The following TBX3 variants were observed in gnomAD, a reference collection of about 807,000 sequenced individuals.
TBX3 encodes the protein T-box transcription factor TBX3.
In TBX3, 11 loss-of-function variants were observed where a neutral mutation model predicts 47.8. That is an observed-to-expected ratio of 0.23 (90% CI 0.14 to 0.38). TBX3 has a LOEUF of 0.38. Among genes scored for constraint, TBX3 ranks in the 10% least tolerant of loss-of-function variants. The probability of loss-of-function intolerance (pLI) is 1.00; values close to 1 mark genes in which losing one functional copy is unlikely to be tolerated. For missense variants in TBX3, 927 were observed against 1,022.8 expected (o/e 0.91, Z 1.28); for synonymous variants, 500 against 449.3 (o/e 1.11, Z -1.43).
Position 114,674,723 on chromosome 12 carries a change from G to A in TBX3, c.1152C>T (p.Cys384=), listed in dbSNP as rs1268848840. 6.2e-7 allele frequency: 1 copy of A among 1,600,634 alleles called. No individual in the cohort carries two copies. Among genetic ancestry groups the A allele is most frequent in the Non-Finnish European group, 8.5e-7 (1 of 1,177,142 alleles). Residue 384 remains cysteine (C), a synonymous_variant, in exon 6 of 7, where the codon TGC becomes TGT. Transcript: ENST00000349155. ...TGACCGCGGGGCTGCCCTTGTCACG[G>A]CAGGGCTCCTCCGACGTGGTGGTGG... is the stretch of plus-strand genomic sequence containing the variant. ...KISTTTSEEP[C]RDKGSPAVKA...
At chr12:114,682,193 T>A (rs922527257) in intron 1 of TBX3, among the ~76,000 whole-genome samples, 1 of 152,188 alleles carries the variant, frequency 6.6e-6, no homozygotes, top group African/African-American at 2.4e-5. Flanking sequence ...TCCTTAAGTC[T>A]GCAAACATAA....
At chr12:114,682,750 A>G (rs1448157151) in intron 1 of TBX3, 62 bp downstream of exon 1, 1 of 1,612,604 alleles carries the variant, frequency 6.2e-7, no homozygotes, top group East Asian at 2.2e-5. Context: ...TTCTGGGAGC[A>G]GAGAAATAAA....
Position 114,682,851 on chromosome 12 carries a change from T to C in TBX3, c.350A>G (p.His117Arg). 1 of 1,614,202 alleles carries C rather than the reference T, an allele frequency of 6.2e-7. No individual in the cohort carries two copies. The highest frequency in any genetic ancestry group is 8.5e-7 in the Non-Finnish European group (1 of 1,180,034). The change falls in exon 1 of 7, where the codon CAC becomes CGC. Residue 117 changes from histidine (H) to arginine (R), a missense_variant. Physicochemically the swap from His to Arg is conservative, Grantham distance 29. Transcript: ENST00000349155. ...LEAKELWDQF[H>R]KRGTEMVITK... ...AATGACCATCTCGGTGCCCCGCTTG[T>C]GAAACTGATCCCAAAGTTCTTTAGC...
At chr12:114,673,930 A>G (rs573202750) in intron 6 of TBX3, among the ~76,000 whole-genome samples, 1 of 152,214 alleles carries the variant, frequency 6.6e-6, no homozygotes, top group Non-Finnish European at 1.5e-5. Flanking sequence ...GTTACTACCT[A>G]TCTACTCTGC....
chr12:114,682,917 G>T lies in TBX3; in HGVS notation c.284C>A (p.Pro95His), dbSNP rs2121158772. ...GGGGTCGTCCTCCACCTCTTCTTCG[G>T]GCTCCATGGTCTTCAAAGGCCTCAG... Reference protein sequence around the residue: ...AHLRPLKTMEPEEEVEDDPKV... With the variant: ...AHLRPLKTMEHEEEVEDDPKV... The change falls in exon 1 of 7, where the codon CCC becomes CAC. Residue 95 changes from proline (P) to histidine (H), a missense_variant. Physicochemically the swap from Pro to His is moderately conservative, Grantham distance 77. Transcript: ENST00000349155. 1.9e-6 allele frequency: 3 copies of T among 1,614,146 alleles called. No individual in the cohort carries two copies. The highest frequency in any genetic ancestry group is 2.5e-6 in the Non-Finnish European group (3 of 1,180,028).
intron 1 of TBX3, among the ~76,000 whole-genome samples, chr12:114,681,513 A>C (rs1458732425): frequency 6.6e-6 from 1 of 152,144 alleles, no homozygotes; most frequent in Non-Finnish European, 1.5e-5. Flanking sequence ...ATCTAGATCT[A>C]AACAGGTTGG....
At chr12:114,675,613 A>C (rs1868671792) in intron 5 of TBX3, among the ~76,000 whole-genome samples, 1 of 151,764 alleles carries the variant, frequency 6.6e-6, no homozygotes, top group Non-Finnish European at 1.5e-5. Flanking sequence ...TCACTAAAAA[A>C]CAGGTTTCTT....
chr12:114,674,337 C>G lies in TBX3; in HGVS notation c.1538G>C (p.Ser513Thr). ...SQFAMGGAFS[S>T]MAAAGMGPLL... ...GGGACCCATGCCAGCGGCCGCCATG[C>G]TGGAGAAGGCGCCCCCCATGGCAAA... Residue 513 changes from serine to threonine, a missense_variant, in exon 6 of 7, where the codon AGC becomes ACC. Ser to Thr is a moderately conservative substitution (Grantham distance 58). This residue lies in a region of TBX3 where 623 missense variants were observed against 569.0 expected (regional missense o/e 1.09). Transcript: ENST00000349155. 6.4e-7 allele frequency: 1 copy of G among 1,562,338 alleles called. No homozygotes were observed. Among genetic ancestry groups the G allele is most frequent in the South Asian group, 1.2e-5 (1 of 84,776 alleles).
In TBX3 at chr12:114,682,877, C is replaced by T. The variant is rs367579046; in HGVS notation, c.324G>A (p.Glu108=). Residue 108 remains glutamate (E), a synonymous_variant, in exon 1 of 7, where the codon GAG becomes GAA. Transcript: ENST00000349155. The stretch of plus-strand genomic sequence containing the variant: ...GAAACTGATCCCAAAGTTCTTTAGC[C>T]TCCAGGTGCACCTTGGGGTCGTCCT... The part of the protein sequence containing the change: ...EVEDDPKVHL[E]AKELWDQFHK... 1.7e-5 allele frequency: 28 copies of T among 1,614,096 alleles called. No individual in the cohort carries two copies. The highest frequency in any genetic ancestry group is 2.4e-5 in the Non-Finnish European group (28 of 1,180,038).
chr12:114,682,004 A>G (rs891583772), intron 1 of TBX3, among the ~76,000 whole-genome samples: 2 of 152,218 alleles, frequency 1.3e-5, no homozygotes, highest in Non-Finnish European at 2.9e-5. Context: ...TTTTGTATCA[A>G]CTTTATGCCT....
Position 114,672,052 on chromosome 12 carries a change from A to T in TBX3, c.1961T>A (p.Val654Asp), listed in dbSNP as rs2121376029. 1 of 1,576,348 alleles carries T rather than the reference A, an allele frequency of 6.3e-7. No homozygotes were observed. The highest frequency in any genetic ancestry group is 8.6e-7 in the Non-Finnish European group (1 of 1,161,812). ...GGCCGGGCTGGCGGCCAGGGCGGCG[A>T]CTTTGCCGTCCAGGGGCCCCGCGGC... ...AAAAGPLDGK[V>D]AALAASPASV... Residue 654 changes from valine to aspartate, a missense_variant, in exon 7 of 7, where the codon GTC (valine) becomes GAC (aspartate). By Grantham distance (152) the Val-to-Asp change is radical (BLOSUM62 -3). Coordinates refer to ENST00000349155, the MANE Select transcript of TBX3 (RefSeq NM_005996.4).
chr12:114,672,996 G>A (rs918591570), intron 6 of TBX3, among the ~76,000 whole-genome samples: 4 of 152,224 alleles, frequency 2.6e-5, no homozygotes, highest in South Asian at 2.1e-4. Flanking sequence ...GAGGTAGGCC[G>A]CAGGAGTTCA....
intron 5 of TBX3, among the ~76,000 whole-genome samples, chr12:114,676,101 G>A (rs1049597258): frequency 2.0e-5 from 3 of 152,210 alleles, no homozygotes; most frequent in African/African-American, 7.2e-5. Context: ...AAGGATCTGG[G>A]AGAAAGGCCT....
At chr12:114,676,228 G>T (rs1565860227) in intron 5 of TBX3, 85 bp downstream of exon 5, 7 of 1,567,744 alleles carry the variant, frequency 4.5e-6, no homozygotes, top group Non-Finnish European at 6.1e-6. Flanking sequence ...AAGGGCAAGT[G>T]CCCTGGTTGG....
rs1479299018 is a variant in TBX3 at position 114,674,681 on chromosome 12, A to G, written c.1194T>C (p.Ala398=). 1.2e-6 allele frequency: 2 copies of G among 1,607,686 alleles called. No homozygotes were observed. The highest frequency in any genetic ancestry group is 1.7e-6 in the Non-Finnish European group (2 of 1,179,212). The stretch of plus-strand genomic sequence containing the variant: ...GCCCGCTGTCCCGGGGCCGCTCAGC[A>G]GCGAAAAGGTGAGCCTTGACCGCGG... ...GSPAVKAHLF[A]AERPRDSGRL... Residue 398 remains alanine, a synonymous_variant, in exon 6 of 7, where the codon GCT becomes GCC. Transcript: ENST00000349155.
In TBX3 at chr12:114,671,744, G is replaced by A. The variant is rs548905868; in HGVS notation, c.*97C>T. ...TCCCAGACGCAACTGCAAAAGGAAG[G>A]GCTAACGCCATGGCGGGCCCGTGGT... is the stretch of plus-strand genomic sequence containing the variant. On this transcript the variant is annotated 3_prime_UTR_variant, in exon 7 of 7. Coordinates refer to ENST00000349155, the MANE Select transcript of TBX3 (RefSeq NM_005996.4). The A allele has an allele frequency of 2.0e-6, 3 of 1,483,266 alleles. No homozygotes were observed. Among genetic ancestry groups the A allele is most frequent in the South Asian group, 2.4e-5 (2 of 81,938 alleles). The allele number at this position is 1,483,266 out of a possible 1,614,324, so 91.9% of individuals were successfully genotyped here.
Position 114,676,301 on chromosome 12 carries a change from G to C in TBX3, c.1039+12C>G, listed in dbSNP as rs780975260. 5.0e-6 allele frequency: 8 copies of C among 1,613,186 alleles called. No individual in the cohort carries two copies. Among genetic ancestry groups the C allele is most frequent in the Non-Finnish European group, 6.8e-6 (8 of 1,179,998 alleles). On this transcript the variant is annotated intron_variant, in intron 5 of 6. Coordinates refer to ENST00000349155, the MANE Select transcript of TBX3 (RefSeq NM_005996.4). ...ACTGGAGTCCAGTGATCACAAAGGTGACATGGTTTACCTTTGAGGTTCGAT... is the reference window on the plus strand; with the variant it reads ...ACTGGAGTCCAGTGATCACAAAGGTCACATGGTTTACCTTTGAGGTTCGAT...
chr12:114,672,072 C>T lies in TBX3; in HGVS notation c.1941G>A (p.Ala647=), dbSNP rs776525218. The T allele has an allele frequency of 1.9e-6, 3 of 1,566,498 alleles. No individual in the cohort carries two copies. Among genetic ancestry groups the T allele is most frequent in the Non-Finnish European group, 2.6e-6 (3 of 1,156,374 alleles). ...TTALPSMAAA[A]GPLDGKVAAL... Reference sequence around the variant, plus strand: ...CGGCGACTTTGCCGTCCAGGGGCCCCGCGGCCGCCGCCATGGAGGGCAGGG... The same window carrying T: ...CGGCGACTTTGCCGTCCAGGGGCCCTGCGGCCGCCGCCATGGAGGGCAGGG... The change falls in exon 7 of 7, where the codon GCG becomes GCA. Residue 647 remains alanine (A), a synonymous_variant. Coordinates refer to ENST00000349155, the MANE Select transcript of TBX3 (RefSeq NM_005996.4).
In TBX3 at chr12:114,683,361, A is replaced by C; in HGVS notation, c.-161T>G. On this transcript the variant is annotated 5_prime_UTR_variant, in exon 1 of 7. In the 5' UTR this introduces an upstream ATG that the reference lacks. Transcript: ENST00000349155. This position sits in a 1 kb window ranked among gnomAD's most constrained non-coding sequence, Gnocchi z 7.7. ...AGAAAAGGAGGCAGAAATCACAACT[A>C]ATGCACTTCAAAGGGAGGAGGGGAA... 1 of 944,358 alleles carries C rather than the reference A, an allele frequency of 1.1e-6. No individual in the cohort carries two copies. The highest frequency in any genetic ancestry group is 1.5e-6 in the Non-Finnish European group (1 of 645,694). The allele number at this position is 944,358 out of a possible 1,614,324, so 58.5% of individuals were successfully genotyped here.
Sources: allele counts gnomAD v4.1 joint callset (sites outside exome capture counted in the v4.1 genomes callset), GRCh38; gene constraint gnomAD v4.1.1; regional missense constraint gnomAD v4.1.1; non-coding constraint Gnocchi (gnomAD v3.1); transcripts MANE v1.5; gene names NCBI Gene and HGNC (gene_info 2026-07-23, HGNC 2026-07-21).